Variants in LAMA2 observed in about 807,000 individuals in gnomAD.
The protein encoded by LAMA2 is laminin subunit alpha-2.
In LAMA2, 269 loss-of-function variants were observed where a neutral mutation model predicts 364.8. The ratio of observed to expected loss-of-function variants is 0.74; its 90% CI spans 0.67 to 0.82. LAMA2 has a LOEUF of 0.82. Among genes scored for constraint, LAMA2 ranks in the 40% least tolerant of loss-of-function variants. The pLI, the probability that LAMA2 is intolerant of heterozygous loss-of-function variation, is 0.00. For synonymous variants in LAMA2, 1,379 were observed against 1,370.6 expected (o/e 1.01, Z -0.14); for missense variants, 3,807 against 3,873.2 (o/e 0.98, Z 0.45).
rs1055017070 is a variant in LAMA2 at position 129,416,073 on chromosome 6, C to T, written c.5866-11679C>T. ...ACGCCATTCTCCTGCCTCAGCCTCCCAAGTAGCTGGGACTACAGGCGCCCG... is the reference window on the plus strand; with the variant it reads ...ACGCCATTCTCCTGCCTCAGCCTCCTAAGTAGCTGGGACTACAGGCGCCCG... On this transcript the variant is annotated intron_variant, in intron 40 of 64. Transcript: ENST00000421865. Among the ~76,000 whole-genome samples the T allele has an allele frequency of 3.3e-5, 3 of 91,942 alleles. 1 individual carries two copies. The highest frequency in any genetic ancestry group is 6.4e-5 in the Non-Finnish European group (3 of 47,078). 60.3% of individuals were successfully genotyped at this position (91,942 alleles called of 152,430 possible).
At position 129,502,714 on chromosome 6, in the gene LAMA2, G is replaced by A; in HGVS notation, c.8300G>A (p.Gly2767Glu). 2 of 1,614,022 alleles carry A rather than the reference G, an allele frequency of 1.2e-6. No homozygotes were observed. Among genetic ancestry groups the A allele is most frequent in the Non-Finnish European group, 8.5e-7 (1 of 1,179,956 alleles). ...PALLIGSKQFGLSRNSHIAIA... is the reference protein window; with the variant it reads ...PALLIGSKQFELSRNSHIAIA... ...CTTTTGATAGGGAGCAAGCAGTTCGGGCTTTCAAGAAACAGTCACATTGCA... is the reference window on the plus strand; with the variant it reads ...CTTTTGATAGGGAGCAAGCAGTTCGAGCTTTCAAGAAACAGTCACATTGCA... The change falls in exon 59 of 65, where the codon GGG becomes GAG. Residue 2767 changes from glycine to glutamate, a missense_variant. By Grantham distance (98) the Gly-to-Glu change is moderately conservative. Coordinates refer to ENST00000421865, the MANE Select transcript of LAMA2 (RefSeq NM_000426.4).
chr6:129,111,312 T>A (rs952518044), intron 4 of LAMA2, among the ~76,000 whole-genome samples: 1 of 152,028 alleles, frequency 6.6e-6, no homozygotes, highest in Non-Finnish European at 1.5e-5. Flanking sequence ...ACATAAGACA[T>A]GTAATTTAAA....
intron 3 of LAMA2, among the ~76,000 whole-genome samples, chr6:129,065,254 C>T (rs896535209): frequency 1.1e-4 from 17 of 152,060 alleles, no homozygotes; most frequent in East Asian, 1.9e-4. Flanking sequence ...AAGGAATGTA[C>T]GTCAACATAA....
At chr6:129,222,992 T>A (rs1344809203) in intron 12 of LAMA2, among the ~76,000 whole-genome samples, 2 of 152,188 alleles carry the variant, frequency 1.3e-5, no homozygotes, top group Non-Finnish European at 2.9e-5. Context: ...CTCCACATCC[T>A]CTCCAGCACC....
In LAMA2 at chr6:129,287,882, C is replaced by A; in HGVS notation, c.2573C>A (p.Pro858His). ...AEGYFGQPSV[P>H]GGSCQPCQCN... ...GGCTATTTTGGACAACCCTCTGTAC[C>A]TGGAGGATCATGTCAGCCATGCCAA... The change falls in exon 19 of 65, where the codon CCT becomes CAT. Residue 858 changes from proline to histidine, a missense_variant. Transcript: ENST00000421865. 6.2e-7 allele frequency: 1 copy of A among 1,613,988 alleles called. No homozygotes were observed. Among genetic ancestry groups the A allele is most frequent in the Admixed American group, 1.7e-5 (1 of 60,014 alleles).
chr6:129,177,375 A>G (rs1174436301), intron 9 of LAMA2, among the ~76,000 whole-genome samples: 1 of 152,220 alleles, frequency 6.6e-6, no homozygotes, highest in Middle Eastern at 3.4e-3. Context: ...TATTCTTCTC[A>G]ATGTAGCATC....
At chr6:129,390,242 C>G (rs942742145) in intron 35 of LAMA2, among the ~76,000 whole-genome samples, 4 of 152,122 alleles carry the variant, frequency 2.6e-5, no homozygotes, top group Non-Finnish European at 5.9e-5. Context: ...CCCAGAATTT[C>G]TGAGTCTGTA....
intron 1 of LAMA2, among the ~76,000 whole-genome samples, chr6:128,951,920 T>C (rs1389709189): frequency 6.6e-6 from 1 of 152,140 alleles, no homozygotes; most frequent in African/African-American, 2.4e-5. Flanking sequence ...ATCACAGCAC[T>C]TTGGGAGGCT....
At position 129,438,724 on chromosome 6, in the gene LAMA2, T is replaced by C. The variant is rs773309064; in HGVS notation, c.6047T>C (p.Leu2016Ser). Residue 2016 changes from leucine (L) to serine (S), a missense_variant, in exon 42 of 65, where the codon TTG (leucine) becomes TCG (serine). By Grantham distance (145) the Leu-to-Ser change is moderately radical. Coordinates refer to ENST00000421865, the MANE Select transcript of LAMA2 (RefSeq NM_000426.4). ...AGAAATGGGGATCTCTTGAGAACTT[T>C]GAATGACACTTTGGGAAAGTTATCA... is the stretch of plus-strand genomic sequence containing the variant. ...DARNGDLLRTLNDTLGKLSAI... is the reference protein window; with the variant it reads ...DARNGDLLRTSNDTLGKLSAI... 1.7e-5 allele frequency: 27 copies of C among 1,605,722 alleles called. No individual in the cohort carries two copies. In the East Asian group the frequency reaches 5.8e-4, roughly 35 times the overall value.
At chr6:129,064,442 A>C (rs748877327) in intron 3 of LAMA2, among the ~76,000 whole-genome samples, 9 of 151,856 alleles carry the variant, frequency 5.9e-5, no homozygotes, top group Non-Finnish European at 1.2e-4. Flanking sequence ...GAAATAATAA[A>C]GGTCTGGGTA....
chr6:129,271,073 CACAG>C (rs1274638254), intron 17 of LAMA2, among the ~76,000 whole-genome samples: 1 of 152,084 alleles, frequency 6.6e-6, no homozygotes, highest in Admixed American at 6.6e-5. Context: ...CACACCTACA[CACAG>C]ACACATACCC....
At chr6:129,281,213 GTGTGTGTGTC>G (rs1337464728) in intron 18 of LAMA2, among the ~76,000 whole-genome samples, 19 of 152,110 alleles carry the variant, frequency 1.2e-4, no homozygotes, top group Non-Finnish European at 2.5e-4. Flanking sequence ...CTTTAATTGT[GTGTGTGTGTC>G]TGTGTGTGTG....
chr6:129,374,602 A>C (rs1420602961), intron 34 of LAMA2, among the ~76,000 whole-genome samples: 1 of 150,180 alleles, frequency 6.7e-6, no homozygotes, highest in African/African-American at 2.5e-5. Flanking sequence ...TTTTAAACAG[A>C]GTTTCACCCT....
intron 7 of LAMA2, among the ~76,000 whole-genome samples, chr6:129,151,891 G>A (rs932098915): frequency 2.6e-5 from 4 of 152,126 alleles, no homozygotes; most frequent in Non-Finnish European, 5.9e-5. Context: ...AGAAAAAAAA[G>A]GAATTCTTGT....
At chr6:129,372,960 A>G (rs562761631) in intron 34 of LAMA2, among the ~76,000 whole-genome samples, 1 of 152,228 alleles carries the variant, frequency 6.6e-6, no homozygotes, top group South Asian at 2.1e-4. Flanking sequence ...TAAGGTGTCT[A>G]TTTAGGTCTT....
At chr6:129,361,438 C>G (rs955012182) in intron 32 of LAMA2, among the ~76,000 whole-genome samples, 1 of 152,208 alleles carries the variant, frequency 6.6e-6, no homozygotes, top group African/African-American at 2.4e-5. Flanking sequence ...ACAACAAGTG[C>G]ATACACTCTC....
intron 1 of LAMA2, among the ~76,000 whole-genome samples, chr6:128,896,969 A>G (rs939120573): frequency 1.3e-5 from 2 of 152,264 alleles, no homozygotes; most frequent in African/African-American, 4.8e-5. Context: ...TGCTGTAAGC[A>G]TGTCTCATGC....
At chr6:129,397,688 G>A (rs1779728666) in intron 37 of LAMA2, among the ~76,000 whole-genome samples, 1 of 151,918 alleles carries the variant, frequency 6.6e-6, no homozygotes, top group Non-Finnish European at 1.5e-5. Context: ...GGCTGAGGCA[G>A]GAGGATCATG....
chr6:129,238,574 TGTGAGAGAGAGAGAGA>T (rs1310657679), intron 12 of LAMA2, among the ~76,000 whole-genome samples: 4 of 141,196 alleles, frequency 2.8e-5, no homozygotes, highest in East Asian at 2.3e-4. Context: ...TGTGTGTGTG[TGTGAGAGAGAGAGAGA>T]GAGAGAGAGA....
Sources: allele counts gnomAD v4.1 joint callset (sites outside exome capture counted in the v4.1 genomes callset), GRCh38; gene constraint gnomAD v4.1.1; transcripts MANE v1.5; gene names NCBI Gene and HGNC (gene_info 2026-07-23, HGNC 2026-07-21).